Variants in PARD3B observed in about 807,000 individuals in gnomAD.
PARD3B encodes partitioning defective 3 homolog B.
A neutral mutation model predicts 130.2 loss-of-function variants in PARD3B; 103 were observed. The ratio of observed to expected loss-of-function variants is 0.79; its 90% CI spans 0.67 to 0.93. The LOEUF (loss-of-function observed/expected upper bound fraction) is 0.93, where lower values mean the gene tolerates loss of function less well. PARD3B is among the 40% of genes least tolerant of loss of function. The pLI is 0.00. For synonymous variants in PARD3B, 583 were observed against 553.2 expected (o/e 1.05, Z -0.76); for missense variants, 1,609 against 1,499.2 (o/e 1.07, Z -1.21).
At chr2:205,593,844 T>C (rs1174147125) in intron 22 of PARD3B, among the ~76,000 whole-genome samples, 1 of 152,186 alleles carries the variant, frequency 6.6e-6, no homozygotes. Context: ...GCAGAGCAAG[T>C]TCCCCTTCCT....
intron 1 of PARD3B, among the ~76,000 whole-genome samples, chr2:204,661,799 A>G (rs188546982): frequency 1.1e-4 from 16 of 152,270 alleles, no homozygotes; most frequent in Admixed American, 9.8e-4. Context: ...ATTGTTTTAC[A>G]TTTTCACAGA....
At chr2:204,612,032 T>A (rs561309580) in intron 1 of PARD3B, among the ~76,000 whole-genome samples, 1 of 152,336 alleles carries the variant, frequency 6.6e-6, no homozygotes, top group African/African-American at 2.4e-5. Context: ...ACAGTGAGAA[T>A]TTCCTTCATT....
intron 1 of PARD3B, among the ~76,000 whole-genome samples, chr2:204,553,304 A>C (rs2030608341): frequency 6.6e-6 from 1 of 152,178 alleles, no homozygotes; most frequent in African/African-American, 2.4e-5. Context: ...TCTGGTTGGA[A>C]TGTAAACTAG....
In PARD3B at chr2:204,890,224, G is replaced by A. The variant is rs1402100651; in HGVS notation, c.223-74928G>A. On this transcript the variant is annotated intron_variant, in intron 2 of 22. Coordinates refer to ENST00000406610, the MANE Select transcript of PARD3B (RefSeq NM_001302769.2). This position sits in a 1 kb window ranked among gnomAD's most constrained non-coding sequence, Gnocchi z 4.9. Reference sequence around the variant, plus strand: ...GTCAATGCTGTGGTGGCCCTAGTGTGTACAGGAAGGTATGCTTTGGTTCAG... The same window carrying A: ...GTCAATGCTGTGGTGGCCCTAGTGTATACAGGAAGGTATGCTTTGGTTCAG... Among the ~76,000 whole-genome samples the A allele has an allele frequency of 2.0e-5, 3 of 152,170 alleles. No individual in the cohort carries two copies. Among genetic ancestry groups the A allele is most frequent in the African/African-American group, 7.2e-5 (3 of 41,446 alleles).
intron 3 of PARD3B, among the ~76,000 whole-genome samples, chr2:205,040,399 C>G (rs1158706658): frequency 6.6e-6 from 1 of 152,202 alleles, no homozygotes; most frequent in Non-Finnish European, 1.5e-5. Context: ...GGTGACAGTG[C>G]TAGAATAATG....
intron 10 of PARD3B, among the ~76,000 whole-genome samples, chr2:205,157,093 C>G (rs1021495737): frequency 6.6e-6 from 1 of 152,158 alleles, no homozygotes; most frequent in Non-Finnish European, 1.5e-5. Context: ...TGTTCACAAA[C>G]TTACAGTAGG....
At chr2:205,521,391 C>T (rs2051047882) in intron 21 of PARD3B, among the ~76,000 whole-genome samples, 1 of 152,176 alleles carries the variant, frequency 6.6e-6, no homozygotes, top group Non-Finnish European at 1.5e-5. Context: ...TAAGCCTTTA[C>T]TGTCAAATTT....
intron 22 of PARD3B, among the ~76,000 whole-genome samples, chr2:205,600,054 C>T (rs1444258240): frequency 6.6e-6 from 1 of 152,148 alleles, no homozygotes; most frequent in Non-Finnish European, 1.5e-5. Flanking sequence ...GCACTGCTGA[C>T]CTGCCCTTCT....
At chr2:205,005,540 C>T (rs1695187379) in intron 3 of PARD3B, among the ~76,000 whole-genome samples, 1 of 152,056 alleles carries the variant, frequency 6.6e-6, no homozygotes, top group South Asian at 2.1e-4. Flanking sequence ...TCAAGCCTTT[C>T]AGATAGTACT....
At chr2:204,759,453 G>A (rs996020603) in intron 2 of PARD3B, among the ~76,000 whole-genome samples, 1 of 151,978 alleles carries the variant, frequency 6.6e-6, no homozygotes, top group African/African-American at 2.4e-5. Flanking sequence ...TAAAAATATA[G>A]CAGTGTTTTT....
intron 1 of PARD3B, among the ~76,000 whole-genome samples, chr2:204,626,333 G>T (rs1273787306): frequency 6.6e-5 from 10 of 152,100 alleles, no homozygotes. Flanking sequence ...ACTCAGCTAT[G>T]AATTCCTTGC....
intron 2 of PARD3B, among the ~76,000 whole-genome samples, chr2:204,853,472 T>A (rs1428882328): frequency 6.6e-6 from 1 of 152,196 alleles, no homozygotes. Context: ...CAAACTGCAA[T>A]AATCATTTGG....
At position 204,958,002 on chromosome 2, in the gene PARD3B, T is replaced by A. The variant is rs543339083; in HGVS notation, c.223-7150T>A. Among the ~76,000 whole-genome samples the A allele has an allele frequency of 3.3e-5, 5 of 152,280 alleles. No individual in the cohort carries two copies. The South Asian group carries it at 1.0e-3, about 32-fold the overall frequency. ...ATCAATACATTGTTTAGTTCAACAGTTTAACCCAAAGAACTCAATGTGGCA... is the reference window on the plus strand; with the variant it reads ...ATCAATACATTGTTTAGTTCAACAGATTAACCCAAAGAACTCAATGTGGCA... On this transcript the variant is annotated intron_variant, in intron 2 of 22. Transcript: ENST00000406610.
chr2:205,016,630 C>T (rs923263127), intron 3 of PARD3B, among the ~76,000 whole-genome samples: 21 of 152,288 alleles, frequency 1.4e-4, no homozygotes, highest in Non-Finnish European at 2.5e-4. Context: ...CAGGAACCTC[C>T]GGTCCTAAGG....
At position 205,015,469 on chromosome 2, in the gene PARD3B, T is replaced by C. The variant is rs920335044; in HGVS notation, c.395-32112T>C. On this transcript the variant is annotated intron_variant, in intron 3 of 22. Transcript: ENST00000406610. This position sits in a 1 kb window ranked among gnomAD's most constrained non-coding sequence, Gnocchi z 4.5. ...TTACATGTATTTCTCCTTGGCAAGA[T>C]GCAGACCGAGTTCCTAGAAGATAGG... is the stretch of plus-strand genomic sequence containing the variant. Among the ~76,000 whole-genome samples, 11 of 152,192 alleles carry C rather than the reference T, an allele frequency of 7.2e-5. No homozygotes were observed. The highest frequency in any genetic ancestry group is 2.4e-4 in the African/African-American group (10 of 41,464).
intron 19 of PARD3B, among the ~76,000 whole-genome samples, chr2:205,423,944 G>A (rs1386522274): frequency 1.3e-5 from 2 of 152,142 alleles, no homozygotes; most frequent in Admixed American, 6.6e-5. Flanking sequence ...ATGGAGGATA[G>A]GAGGAGGGAG....
intron 19 of PARD3B, among the ~76,000 whole-genome samples, chr2:205,403,529 A>G (rs533388460): frequency 1.3e-5 from 2 of 152,144 alleles, no homozygotes; most frequent in African/African-American, 4.8e-5. Context: ...AAAAAAAACC[A>G]AATTCAACCA....
rs1449813695 is a variant in PARD3B, at chr2:204,907,909, C to A, written c.223-57243C>A. On this transcript the variant is annotated intron_variant, in intron 2 of 22. Coordinates refer to ENST00000406610, the MANE Select transcript of PARD3B (RefSeq NM_001302769.2). The surrounding 1 kb of genome is among the most constrained non-coding windows in gnomAD (Gnocchi z 5.7). ...TAGAGATAAGCTTTCATTATGTTGG[C>A]CAGGCTGGTCTCAAACTCCTGGCCT... Among the ~76,000 whole-genome samples the A allele has an allele frequency of 6.6e-6, 1 of 152,020 alleles. No individual in the cohort carries two copies. Among genetic ancestry groups the A allele is most frequent in the African/African-American group, 2.4e-5 (1 of 41,384 alleles).
chr2:204,562,527 G>A (rs1333137690), intron 1 of PARD3B, among the ~76,000 whole-genome samples: 1 of 152,158 alleles, frequency 6.6e-6, no homozygotes, highest in African/African-American at 2.4e-5. Context: ...AGTCATCCTG[G>A]CCCAGAAGTC....
Sources: allele counts gnomAD v4.1 joint callset (sites outside exome capture counted in the v4.1 genomes callset), GRCh38; gene constraint gnomAD v4.1.1; non-coding constraint Gnocchi (gnomAD v3.1); transcripts MANE v1.5; gene names NCBI Gene and HGNC (gene_info 2026-07-23, HGNC 2026-07-21).